The following MAD1L1 variants were observed in gnomAD, a reference collection of about 807,000 sequenced individuals.
MAD1L1 encodes the protein mitotic spindle assembly checkpoint protein MAD1.
In MAD1L1, 95 loss-of-function variants were observed where a neutral mutation model predicts 96.9. The ratio of observed to expected loss-of-function variants is 0.98; its 90% confidence interval spans 0.83 to 1.16. The LOEUF (loss-of-function observed/expected upper bound fraction) is 1.16, where lower values mean the gene tolerates loss of function less well. MAD1L1 is among the 50% of genes most tolerant of loss of function. The pLI, the probability that MAD1L1 is intolerant of heterozygous loss-of-function variation, is 0.00. For synonymous variants in MAD1L1, 473 were observed against 396.6 expected (o/e 1.19, Z -2.29); for missense variants, 1,007 against 954.4 (o/e 1.06, Z -0.73).
At chr7:1,904,160 G>A (rs1439741783) in intron 17 of MAD1L1, among the ~76,000 whole-genome samples, 3 of 148,298 alleles carry the variant, frequency 2.0e-5, no homozygotes, top group Non-Finnish European at 4.4e-5. Flanking sequence ...GCCTATGGAA[G>A]ACGCTCTTGC....
At chr7:1,996,556 C>G (rs961229306) in intron 14 of MAD1L1, among the ~76,000 whole-genome samples, 1 of 152,230 alleles carries the variant, frequency 6.6e-6, no homozygotes, top group Non-Finnish European at 1.5e-5. Context: ...TGTAAAGCAC[C>G]TGCCGCTAGG....
At chr7:1,994,455 G>A (rs569433217) in intron 14 of MAD1L1, among the ~76,000 whole-genome samples, 99 of 152,302 alleles carry the variant, frequency 6.5e-4, no homozygotes, top group Non-Finnish European at 1.1e-3. Flanking sequence ...GGACATCACC[G>A]TAGGCAGGGC....
chr7:2,139,839 G>A (rs1788938458), intron 11 of MAD1L1, among the ~76,000 whole-genome samples: 1 of 152,188 alleles, frequency 6.6e-6, no homozygotes, highest in Non-Finnish European at 1.5e-5. Context: ...TTAGGCCTGA[G>A]ATGATAAAAA....
chr7:1,971,279 G>T (rs1328930535), intron 15 of MAD1L1, among the ~76,000 whole-genome samples: 2 of 152,178 alleles, frequency 1.3e-5, no homozygotes, highest in Non-Finnish European at 2.9e-5. Context: ...AGAAACACAA[G>T]CGATGGGATT....
At chr7:1,870,373 GCTTGCCATGCTGAACCCACCATAACA>G (rs1420914013) in intron 18 of MAD1L1, among the ~76,000 whole-genome samples, 4 of 134,968 alleles carry the variant, frequency 3.0e-5, no homozygotes, top group East Asian at 2.3e-4. Flanking sequence ...CCCAACATAC[GCTTGCCATGCTGAACCCACCATAACA>G]CCTGCCACGC....
chr7:2,134,978 C>A (rs555460105), intron 11 of MAD1L1, among the ~76,000 whole-genome samples: 55 of 152,338 alleles, frequency 3.6e-4, no homozygotes, highest in African/African-American at 1.1e-3. Flanking sequence ...TCCAGAAAAA[C>A]CAGAACTGAG....
rs575640438 is a variant in MAD1L1, at chr7:2,115,507, GGC to G, written c.1073+33643_1073+33644del. Reference sequence around the variant, plus strand: ...CCCCACGTGTTCCGGGGTCAGAGGAGGCGCTGGACAGGGTCCCCGCATGTTCC... The same window carrying G: ...CCCCACGTGTTCCGGGGTCAGAGGAGGCTGGACAGGGTCCCCGCATGTTCC... On this transcript the variant is annotated intron_variant, in intron 11 of 18. Transcript: ENST00000265854. Among the ~76,000 whole-genome samples, 277 of 148,688 alleles carry G rather than the reference GGC, an allele frequency of 1.9e-3. 2 individuals are homozygous for G. Among genetic ancestry groups the G allele is most frequent in the African/African-American group, 6.5e-3 (262 of 40,018 alleles).
Position 2,049,154 on chromosome 7 carries a change from G to A in MAD1L1, c.1218+20040C>T, listed in dbSNP as rs561697200. On this transcript the variant is annotated intron_variant, in intron 12 of 18. Coordinates refer to ENST00000265854, the MANE Select transcript of MAD1L1 (RefSeq NM_001013836.2). ...CGTGCAGATGGGGTGAGGCGTGCATGCTTCATTCTTCCAGAGAGGAAGCAA... is the reference window on the plus strand; with the variant it reads ...CGTGCAGATGGGGTGAGGCGTGCATACTTCATTCTTCCAGAGAGGAAGCAA... 5.7e-4 allele frequency among the ~76,000 whole-genome samples: 87 copies of A among 152,312 alleles called. 1 individual carries two copies. Among genetic ancestry groups the A allele is most frequent in the African/African-American group, 2.0e-3 (83 of 41,568 alleles).
intron 16 of MAD1L1, among the ~76,000 whole-genome samples, chr7:1,947,710 A>G (rs893008290): frequency 6.6e-6 from 1 of 151,590 alleles, no homozygotes; most frequent in Non-Finnish European, 1.5e-5. Context: ...CCTGCCGCAC[A>G]CGGCTGGGTT....
chr7:2,221,948 C>G (rs1793629239), intron 5 of MAD1L1, among the ~76,000 whole-genome samples: 1 of 152,128 alleles, frequency 6.6e-6, no homozygotes, highest in Non-Finnish European at 1.5e-5. Flanking sequence ...GAAGCGAGGG[C>G]TGAGGGAAGG....
chr7:1,883,924 G>A (rs926922672), intron 18 of MAD1L1, among the ~76,000 whole-genome samples: 10 of 152,206 alleles, frequency 6.6e-5, no homozygotes, highest in Non-Finnish European at 1.3e-4. Context: ...GAGCCTCCTG[G>A]ATACCCGGGC....
intron 12 of MAD1L1, among the ~76,000 whole-genome samples, chr7:2,028,317 C>T (rs188395993): frequency 0.011 from 1,706 of 149,716 alleles, 12 homozygotes; most frequent in Admixed American, 0.025. Flanking sequence ...CCCAGCTACT[C>T]GGGAGGCTGA....
At chr7:1,955,117 C>A (rs1211674803) in intron 16 of MAD1L1, among the ~76,000 whole-genome samples, 1 of 152,246 alleles carries the variant, frequency 6.6e-6, no homozygotes, top group African/African-American at 2.4e-5. Flanking sequence ...TCCTCGCCAA[C>A]CAGCTGTGAA....
At chr7:1,975,190 G>A (rs1398354245) in intron 15 of MAD1L1, among the ~76,000 whole-genome samples, 1 of 152,230 alleles carries the variant, frequency 6.6e-6, no homozygotes, top group Non-Finnish European at 1.5e-5. Context: ...GAGGGAGAAT[G>A]AGGCCACAAA....
intron 17 of MAD1L1, among the ~76,000 whole-genome samples, chr7:1,920,978 C>T (rs1211111901): frequency 6.6e-6 from 1 of 152,218 alleles, no homozygotes; most frequent in Non-Finnish European, 1.5e-5. Context: ...GCTCTGAGCC[C>T]TGGAGACGAC....
chr7:2,216,589 T>C (rs1793295069), intron 7 of MAD1L1, among the ~76,000 whole-genome samples: 1 of 152,014 alleles, frequency 6.6e-6, no homozygotes, highest in Non-Finnish European at 1.5e-5. Context: ...ACTCCAAGAG[T>C]GACCCTCGCA....
chr7:1,956,626 T>A (rs575285815), intron 16 of MAD1L1, among the ~76,000 whole-genome samples: 2 of 99,638 alleles, frequency 2.0e-5, no homozygotes, highest in African/African-American at 7.5e-5. Flanking sequence ...CAGGAGAGGG[T>A]CACAGGTGAC....
At chr7:2,156,206 A>ATGGTTT in intron 10 of MAD1L1, among the ~76,000 whole-genome samples, 4 of 149,902 alleles carry the variant, frequency 2.7e-5, no homozygotes, top group African/African-American at 1.0e-4. Flanking sequence ...GAGCGGGCGC[A>ATGGTTT]CGGTTTCACG....
intron 10 of MAD1L1, among the ~76,000 whole-genome samples, chr7:2,150,744 C>T (rs1789532130): frequency 6.6e-6 from 1 of 152,344 alleles, no homozygotes; most frequent in South Asian, 2.1e-4. Flanking sequence ...CACACACACC[C>T]AGGGCTGGTC....
Sources: allele counts gnomAD v4.1 joint callset (sites outside exome capture counted in the v4.1 genomes callset), GRCh38; gene constraint gnomAD v4.1.1; transcripts MANE v1.5; gene names NCBI Gene and HGNC (gene_info 2026-07-23, HGNC 2026-07-21).